KIF13B: variants seen among roughly 807,000 people sequenced by gnomAD.
KIF13B encodes kinesin family member 13B.
Under a neutral mutation model 222.0 loss-of-function variants are expected in KIF13B, and 127 were observed. The observed-to-expected ratio is 0.57, with a 90% CI of 0.50 to 0.66. The LOEUF (loss-of-function observed/expected upper bound fraction) is 0.66, where lower values mean the gene tolerates loss of function less well. Ranked by LOEUF, KIF13B falls within the 30% of genes least tolerant of loss-of-function variation. KIF13B has a pLI of 0.00. For synonymous variants in KIF13B, 976 were observed against 919.0 expected, an observed-to-expected ratio of 1.06 and a Z score of -1.12; for missense variants, 2,173 against 2,379.0, an observed-to-expected ratio of 0.91 and a Z score of 1.80.
chr8:29,211,694 T>C (rs1814234198), intron 2 of KIF13B, among the ~76,000 whole-genome samples: 1 of 152,156 alleles, frequency 6.6e-6, no homozygotes, highest in Non-Finnish European at 1.5e-5. Context: ...AGCTGGACAA[T>C]TCCCAGAGCT....
chr8:29,128,217 T>C (rs1178972040), intron 24 of KIF13B, among the ~76,000 whole-genome samples: 1 of 151,734 alleles, frequency 6.6e-6, no homozygotes, highest in Non-Finnish European at 1.5e-5. Flanking sequence ...ACTTGGTATA[T>C]ATTTACAATG....
intron 35 of KIF13B, 135 bp downstream of exon 35, chr8:29,108,004 C>A: frequency 1.4e-6 from 1 of 701,254 alleles, no homozygotes; most frequent in Non-Finnish European, 2.4e-6. Flanking sequence ...CTCTAAAACA[C>A]TTTCAAGTAA....
intron 11 of KIF13B, among the ~76,000 whole-genome samples, chr8:29,167,092 T>C (rs1812035361): frequency 6.6e-6 from 1 of 152,332 alleles, no homozygotes; most frequent in Non-Finnish European, 1.5e-5. Flanking sequence ...TCTCCTATTC[T>C]ATTATACCTC....
intron 30 of KIF13B, 117 bp downstream of exon 30, chr8:29,118,751 T>C (rs1809718790): frequency 8.8e-6 from 9 of 1,018,312 alleles, no homozygotes; most frequent in Non-Finnish European, 1.2e-5. Context: ...AGGTTTTGCT[T>C]TATGTATTTT....
chr8:29,160,796 T>C lies in KIF13B; in HGVS notation c.1341A>G (p.Lys447=). The C allele has an allele frequency of 6.2e-7, 1 of 1,613,536 alleles. No individual in the cohort carries two copies. Among genetic ancestry groups the C allele is most frequent in the Non-Finnish European group, 8.5e-7 (1 of 1,179,576 alleles). Residue 447 remains lysine (K), a synonymous_variant, in exon 13 of 40, where the codon AAA becomes AAG. Transcript: ENST00000524189. The part of the protein sequence containing the change: ...QSSGIKVGDD[K]CFLVNLNADP... ...CAGCATTCAGATTCACAAGGAAGCA[T>C]TTATCATCCCCAACTTTGATTCCCG...
chr8:29,182,971 C>G (rs1458516440), intron 6 of KIF13B, among the ~76,000 whole-genome samples: 1 of 152,034 alleles, frequency 6.6e-6, no homozygotes, highest in Admixed American at 6.6e-5. Context: ...GATCAAAACA[C>G]ACTGTACTCC....
intron 2 of KIF13B, among the ~76,000 whole-genome samples, chr8:29,238,295 CA>C (rs1343269497): frequency 5.9e-5 from 9 of 152,122 alleles, no homozygotes; most frequent in African/African-American, 2.2e-4. Context: ...TAGCATTATG[CA>C]ATATAATTTG....
chr8:29,130,439 G>T, intron 24 of KIF13B, 94 bp downstream of exon 24: 1 of 1,293,284 alleles, frequency 7.7e-7, no homozygotes, highest in Non-Finnish European at 1.1e-6. Context: ...GGCCAGTCTA[G>T]ATTTCATTAT....
At chr8:29,107,717 C>T (rs937790629) in intron 35 of KIF13B, among the ~76,000 whole-genome samples, 4 of 151,896 alleles carry the variant, frequency 2.6e-5, no homozygotes, top group Non-Finnish European at 5.9e-5. Flanking sequence ...CCCGCCACCT[C>T]GCCTGACTAG....
intron 12 of KIF13B, among the ~76,000 whole-genome samples, chr8:29,162,853 G>T (rs936878793): frequency 6.6e-6 from 1 of 151,558 alleles, no homozygotes; most frequent in Non-Finnish European, 1.5e-5. Context: ...TGATATCAGG[G>T]GTTGGTTAAC....
chr8:29,219,914 A>G (rs1814666127), intron 2 of KIF13B, among the ~76,000 whole-genome samples: 1 of 151,960 alleles, frequency 6.6e-6, no homozygotes, highest in Non-Finnish European at 1.5e-5. Flanking sequence ...AATACAAAAC[A>G]TTAGCCGGGT....
rs545404976 is a variant in KIF13B, at chr8:29,186,839, C to T, written c.317-367G>A. Among the ~76,000 whole-genome samples, 27 of 151,564 alleles carry T rather than the reference C, an allele frequency of 1.8e-4. No homozygotes were observed. The South Asian group carries it at 3.3e-3, about 19-fold the overall frequency. On this transcript the variant is annotated intron_variant, in intron 5 of 39. Coordinates refer to ENST00000524189, the MANE Select transcript of KIF13B (RefSeq NM_015254.4). ...GAAAAATTAGCCATGCGTGACGGCACGTGCTTGTAGTCCCAGCTACTCGGG... is the reference window on the plus strand; with the variant it reads ...GAAAAATTAGCCATGCGTGACGGCATGTGCTTGTAGTCCCAGCTACTCGGG...
intron 2 of KIF13B, among the ~76,000 whole-genome samples, chr8:29,235,753 G>C (rs1815479845): frequency 6.6e-6 from 1 of 152,222 alleles, no homozygotes; most frequent in African/African-American, 2.4e-5. Flanking sequence ...AAATGCTCTA[G>C]ATTTGAAAGA....
At chr8:29,161,696 A>G (rs1390327298) in intron 12 of KIF13B, among the ~76,000 whole-genome samples, 1 of 58,740 alleles carries the variant, frequency 1.7e-5, no homozygotes, top group Admixed American at 1.4e-4. Flanking sequence ...ACTCCATCTC[A>G]AAACCCCCCC....
At chr8:29,085,911 G>A (rs1485325123) in intron 37 of KIF13B, among the ~76,000 whole-genome samples, 1 of 148,598 alleles carries the variant, frequency 6.7e-6, no homozygotes, top group East Asian at 2.0e-4. Flanking sequence ...CCCACTGTCA[G>A]CTGTCACCAT....
intron 1 of KIF13B, among the ~76,000 whole-genome samples, chr8:29,258,026 C>CA (rs1268433504): frequency 6.6e-6 from 1 of 152,180 alleles, no homozygotes; most frequent in African/African-American, 2.4e-5. Flanking sequence ...CAGATGCTGA[C>CA]AAAACAAGTA....
rs140901034 is a variant in KIF13B at position 29,116,271 on chromosome 8, G to A, written c.3837+560C>T. Reference sequence around the variant, plus strand: ...CTGCAAGAGGTAAAAGGTCTGGAACGCACCCTGGCAGCATGGCGAGACCCC... The same window carrying A: ...CTGCAAGAGGTAAAAGGTCTGGAACACACCCTGGCAGCATGGCGAGACCCC... On this transcript the variant is annotated intron_variant, in intron 31 of 39. Coordinates refer to ENST00000524189, the MANE Select transcript of KIF13B (RefSeq NM_015254.4). 1.9e-3 allele frequency among the ~76,000 whole-genome samples: 292 copies of A among 152,242 alleles called. 3 individuals are homozygous for A. The highest frequency in any genetic ancestry group is 6.7e-3 in the African/African-American group (278 of 41,552).
intron 32 of KIF13B, 85 bp downstream of exon 32, chr8:29,113,378 T>C (rs1040482499): frequency 6.9e-6 from 5 of 719,508 alleles, no homozygotes; most frequent in Non-Finnish European, 2.3e-6. Flanking sequence ...TCACTTCATA[T>C]GTATGTCATG....
At chr8:29,123,731 G>T (rs1809982931) in intron 27 of KIF13B, among the ~76,000 whole-genome samples, 1 of 152,156 alleles carries the variant, frequency 6.6e-6, no homozygotes, top group Admixed American at 6.5e-5. Context: ...CAGAGGACTC[G>T]AGCCCTTTGG....
Sources: allele counts gnomAD v4.1 joint callset (sites outside exome capture counted in the v4.1 genomes callset), GRCh38; gene constraint gnomAD v4.1.1; transcripts MANE v1.5; gene names NCBI Gene and HGNC (gene_info 2026-07-23, HGNC 2026-07-21).